The following HPSE2 variants were observed in gnomAD, a reference collection of about 807,000 sequenced individuals.
HPSE2 encodes the protein inactive heparanase-2.
Under a neutral mutation model 60.5 loss-of-function variants are expected in HPSE2, and 38 were observed. The observed-to-expected ratio is 0.63, with a 90% CI of 0.48 to 0.82. The LOEUF (loss-of-function observed/expected upper bound fraction) is 0.82, where lower values mean the gene tolerates loss of function less well. Among genes scored for constraint, HPSE2 ranks in the 40% least tolerant of loss-of-function variants. The pLI is 0.00. For missense variants in HPSE2, 713 were observed against 740.4 expected (o/e 0.96, Z 0.43); for synonymous variants, 295 against 293.2 (o/e 1.01, Z -0.06).
At chr10:99,179,430 A>G (rs1847667306) in intron 2 of HPSE2, among the ~76,000 whole-genome samples, 1 of 152,224 alleles carries the variant, frequency 6.6e-6, no homozygotes, top group Non-Finnish European at 1.5e-5. Context: ...ATACAAAATC[A>G]ATGTGCAAAA....
At chr10:99,301,753 G>A in the HPSE2 span, among the ~76,000 whole-genome samples, 8 of 152,190 alleles carry the variant, frequency 5.3e-5, no homozygotes, top group Admixed American at 3.3e-4. Context: ...GAAGAAGCCA[G>A]AAAGTTTACC....
At chr10:99,294,898 G>C in the HPSE2 span, among the ~76,000 whole-genome samples, 5 of 151,860 alleles carry the variant, frequency 3.3e-5, no homozygotes, top group Admixed American at 6.6e-5. Context: ...GGAGGTTGCA[G>C]TGAGTCGAGA....
intron 3 of HPSE2, among the ~76,000 whole-genome samples, chr10:98,869,251 T>C (rs957436971): frequency 1.3e-5 from 2 of 152,156 alleles, no homozygotes; most frequent in Non-Finnish European, 2.9e-5. Flanking sequence ...GTCATGATTT[T>C]CTTTATATAT....
At chr10:98,843,987 T>G (rs1951977919) in intron 3 of HPSE2, among the ~76,000 whole-genome samples, 1 of 152,234 alleles carries the variant, frequency 6.6e-6, no homozygotes, top group Non-Finnish European at 1.5e-5. Flanking sequence ...AGGATGGTAG[T>G]TTCATTGTAA....
chr10:98,879,282 T>C (rs1043796979), intron 3 of HPSE2, among the ~76,000 whole-genome samples: 3 of 152,068 alleles, frequency 2.0e-5, no homozygotes, highest in African/African-American at 7.2e-5. Flanking sequence ...CTTACTTGTC[T>C]GTATGCTCAG....
At chr10:98,926,775 T>A (rs1030052267) in intron 3 of HPSE2, among the ~76,000 whole-genome samples, 2 of 152,196 alleles carry the variant, frequency 1.3e-5, no homozygotes, top group African/African-American at 4.8e-5. Flanking sequence ...CCCTTACTTA[T>A]CCTTATTTTT....
chr10:98,662,261 C>T (rs1947245153), intron 6 of HPSE2, among the ~76,000 whole-genome samples: 1 of 152,168 alleles, frequency 6.6e-6, no homozygotes, highest in Non-Finnish European at 1.5e-5. Flanking sequence ...GAACACTCAT[C>T]CCAAAGGGTG....
At chr10:98,973,497 T>C (rs1386842923) in intron 3 of HPSE2, among the ~76,000 whole-genome samples, 2 of 152,190 alleles carry the variant, frequency 1.3e-5, no homozygotes, top group African/African-American at 4.8e-5. Context: ...AAGAATTTCC[T>C]GCCTGCAAAC....
At chr10:98,549,325 TAA>T (rs1279470083) in intron 9 of HPSE2, among the ~76,000 whole-genome samples, 3 of 152,056 alleles carry the variant, frequency 2.0e-5, no homozygotes, top group Non-Finnish European at 4.4e-5. Context: ...TGATATTCCA[TAA>T]AACTACAAAA....
rs763282711 is a variant in HPSE2, at chr10:98,744,014, C to T, written c.653G>A (p.Gly218Glu). The T allele has an allele frequency of 6.2e-7, 1 of 1,614,030 alleles. No individual in the cohort carries two copies. The highest frequency in any genetic ancestry group is 2.2e-5 in the East Asian group (1 of 44,872). The change falls in exon 4 of 12, where the codon GGA (glycine) becomes GAA (glutamate). Residue 218 changes from glycine (G) to glutamate (E), a missense_variant. By Grantham distance (98) the Gly-to-Glu change is moderately conservative. Transcript: ENST00000370552. ...DKLYNFADCS[G>E]LHLIFALNAL... ...ATTTAGAGCAAATATCAGGTGGAGT[C>T]CAGAGCAATCAGCAAAGTTATAAAG...
At chr10:98,848,098 T>C (rs1240266979) in intron 3 of HPSE2, among the ~76,000 whole-genome samples, 1 of 152,148 alleles carries the variant, frequency 6.6e-6, no homozygotes, top group African/African-American at 2.4e-5. Flanking sequence ...ATTCAGGGTA[T>C]GAGAGTAGCT....
intron 3 of HPSE2, among the ~76,000 whole-genome samples, chr10:98,992,426 G>C (rs952750737): frequency 1.3e-5 from 2 of 152,144 alleles, no homozygotes; most frequent in Non-Finnish European, 2.9e-5. Context: ...ATGTGATTAT[G>C]TTGCTGCTAA....
chr10:99,162,970 G>A (rs1846904362), intron 2 of HPSE2, among the ~76,000 whole-genome samples: 1 of 152,148 alleles, frequency 6.6e-6, no homozygotes, highest in Non-Finnish European at 1.5e-5. Flanking sequence ...AGCACTTTGG[G>A]AGGCCAAGGC....
At chr10:98,817,426 T>C (rs975552668) in intron 3 of HPSE2, among the ~76,000 whole-genome samples, 7 of 152,158 alleles carry the variant, frequency 4.6e-5, no homozygotes, top group South Asian at 2.1e-4. Context: ...CCAAATTATA[T>C]TGGAAGACCA....
At chr10:98,936,981 A>C (rs1398038940) in intron 3 of HPSE2, among the ~76,000 whole-genome samples, 3 of 104,588 alleles carry the variant, frequency 2.9e-5, no homozygotes, top group Admixed American at 8.8e-5. Flanking sequence ...TCCATCTCAA[A>C]AAAAAAAAAA....
At chr10:98,617,498 C>G (rs1490691776) in intron 8 of HPSE2, among the ~76,000 whole-genome samples, 1 of 152,126 alleles carries the variant, frequency 6.6e-6, no homozygotes, top group Non-Finnish European at 1.5e-5. Flanking sequence ...TGCATTCTCC[C>G]TGCAAACCTA....
At chr10:98,907,376 C>T (rs1953852342) in intron 3 of HPSE2, among the ~76,000 whole-genome samples, 2 of 152,134 alleles carry the variant, frequency 1.3e-5, no homozygotes, top group Non-Finnish European at 2.9e-5. Flanking sequence ...CAGCATGTGC[C>T]TATAGACTTA....
intron 3 of HPSE2, among the ~76,000 whole-genome samples, chr10:98,815,969 T>C (rs376422761): frequency 3.6e-4 from 49 of 137,752 alleles, no homozygotes; most frequent in African/African-American, 1.1e-3. Flanking sequence ...TAGGTGGGAA[T>C]TGAACAATGA....
intron 3 of HPSE2, among the ~76,000 whole-genome samples, chr10:98,885,025 A>C (rs1953127180): frequency 6.6e-6 from 1 of 152,172 alleles, no homozygotes; most frequent in Non-Finnish European, 1.5e-5. Flanking sequence ...AACCTATGGA[A>C]ATGTTTCACC....
Sources: allele counts gnomAD v4.1 joint callset (sites outside exome capture counted in the v4.1 genomes callset), GRCh38; gene constraint gnomAD v4.1.1; transcripts MANE v1.5; gene names NCBI Gene and HGNC (gene_info 2026-07-23, HGNC 2026-07-21).